The following CIC variants were observed in gnomAD, a reference collection of about 807,000 sequenced individuals.
CIC encodes capicua transcriptional repressor.
Under a neutral mutation model 115.7 loss-of-function variants are expected in CIC, and 18 were observed. The observed-to-expected ratio is 0.16, with a 90% CI of 0.11 to 0.23. CIC has a LOEUF of 0.23. Ranked by LOEUF, CIC falls within the 10% of genes least tolerant of loss-of-function variation. The probability of loss-of-function intolerance (pLI) is 1.00; values close to 1 mark genes in which losing one functional copy is unlikely to be tolerated. For missense variants in CIC, 2,000 were observed against 2,159.3 expected (o/e 0.93, Z 1.46); for synonymous variants, 1,076 against 923.0 (o/e 1.17, Z -3.01).
In CIC at chr19:42,290,877, C is replaced by T. The variant is rs370962921; in HGVS notation, c.4836C>T (p.Asp1612=). 1.9e-6 allele frequency: 3 copies of T among 1,613,108 alleles called. No homozygotes were observed. Among genetic ancestry groups the T allele is most frequent in the Non-Finnish European group, 2.5e-6 (3 of 1,179,862 alleles). Reference sequence around the variant, plus strand: ...GCCGGGCTGAGGCGTCTCCAAATGACACAGCAGGTGCCAGGACTGAAATGG... The same window carrying T: ...GCCGGGCTGAGGCGTCTCCAAATGATACAGCAGGTGCCAGGACTGAAATGG... ...TSGRAEASPN[D]TAGARTEMGT... is the part of the protein sequence containing the mutation. Residue 1612 remains aspartate (D), a synonymous_variant, in exon 11 of 21, where the codon GAC becomes GAT. Transcript: ENST00000681038.
chr19:42,292,383 C>G lies in CIC; in HGVS notation c.5819C>G (p.Ser1940Trp), dbSNP rs539384322. 4.3e-6 allele frequency: 7 copies of G among 1,612,796 alleles called. No individual in the cohort carries two copies. The highest frequency in any genetic ancestry group is 5.9e-6 in the Non-Finnish European group (7 of 1,179,820). ...PASSQAGTVTSYGPTSSVALG... is the reference protein window; with the variant it reads ...PASSQAGTVTWYGPTSSVALG... Reference sequence around the variant, plus strand: ...TCCAGCCAGGCTGGAACAGTCACCTCGTACGGGCCCACGAGCTCTGTAGCT... The same window carrying G: ...TCCAGCCAGGCTGGAACAGTCACCTGGTACGGGCCCACGAGCTCTGTAGCT... The change falls in exon 14 of 21, where the codon TCG (serine) becomes TGG (tryptophan). Residue 1940 changes from serine to tryptophan, a missense_variant. Physicochemically the swap from Ser to Trp is radical, Grantham distance 177 (BLOSUM62 -3). Transcript: ENST00000681038.
At chr19:42,289,791 C>G (rs980275401) in intron 9 of CIC, 57 bp from the exon 10 acceptor site, 1 of 1,406,274 alleles carries the variant, frequency 7.1e-7, no homozygotes, top group Non-Finnish European at 9.9e-7. Context: ...CAGACTGTTT[C>G]TCCTGGGTCC....
chr19:42,271,317 T>C (rs2036782648), intron 1 of CIC, among the ~76,000 whole-genome samples: 1 of 152,224 alleles, frequency 6.6e-6, no homozygotes, highest in South Asian at 2.1e-4. Context: ...CTGGATGATC[T>C]TGGACAAGTT....
rs1415191082 is a variant in CIC at position 42,272,681 on chromosome 19, C to T, written c.898C>T (p.Leu300Phe). ...CAAGCCAGCTGCCTACAAGGTCCGT[C>T]TCAGCCCTGGCCCCAGCTCCCAGCC... Reference protein sequence around the residue: ...ATKPAAYKVRLSPGPSSQPGL... With the variant: ...ATKPAAYKVRFSPGPSSQPGL... Residue 300 changes from leucine (L) to phenylalanine (F), a missense_variant, in exon 2 of 21, where the codon CTC (leucine) becomes TTC (phenylalanine). Leu to Phe is a conservative substitution (Grantham distance 22, BLOSUM62 0). Around this residue, in one of 8 missense-constraint regions of CIC, gnomAD observed 222 missense variants for 247.7 expected, o/e 0.90. Coordinates refer to ENST00000681038, the MANE Select transcript of CIC (RefSeq NM_001386298.1). 2 of 399,050 alleles carry T rather than the reference C, an allele frequency of 5.0e-6. No individual in the cohort carries two copies. The highest frequency in any genetic ancestry group is 4.1e-5 in the African/African-American group (2 of 48,608). 24.7% of individuals were successfully genotyped at this position (399,050 alleles called of 1,614,324 possible).
intron 12 of CIC, 132 bp downstream of exon 12, chr19:42,291,877 C>T: frequency 1.5e-6 from 2 of 1,311,134 alleles, no homozygotes; most frequent in Non-Finnish European, 2.2e-6. Context: ...CGTGATGTCT[C>T]TGTGCATCCT....
chr19:42,288,085 C>A (rs2037785110), intron 7 of CIC, 110 bp downstream of exon 7: 6 of 1,322,794 alleles, frequency 4.5e-6, no homozygotes, highest in Middle Eastern at 2.4e-4. Context: ...TGCTCTATCG[C>A]TTTAATTTGG....
chr19:42,295,194 G>C lies in CIC; in HGVS notation c.*3G>C. 6.5e-7 allele frequency: 1 copy of C among 1,532,610 alleles called. No individual in the cohort carries two copies. Among genetic ancestry groups the C allele is most frequent in the Non-Finnish European group, 8.7e-7 (1 of 1,144,846 alleles). The allele number at this position is 1,532,610 out of a possible 1,614,324, so 94.9% of individuals were successfully genotyped here. On this transcript the variant is annotated 3_prime_UTR_variant, in exon 21 of 21. Transcript: ENST00000681038. Reference sequence around the variant, plus strand: ...CCACAGCTGCCACAGGCAGGTGAGGGACCCCTGAGAAGATGCCAGGACTTA... The same window carrying C: ...CCACAGCTGCCACAGGCAGGTGAGGCACCCCTGAGAAGATGCCAGGACTTA...
In CIC at chr19:42,293,959, C is replaced by T. The variant is rs181588481; in HGVS notation, c.6792C>T (p.Phe2264=). The change falls in exon 18 of 21, where the codon TTC becomes TTT. Residue 2264 remains phenylalanine, a synonymous_variant. Coordinates refer to ENST00000681038, the MANE Select transcript of CIC (RefSeq NM_001386298.1). Reference sequence around the variant, plus strand: ...GCAGGGTCCTGTCAGAAGTGGACTTCGAAGAGCGCTTTGCTGAGTTGCCTG... The same window carrying T: ...GCAGGGTCCTGTCAGAAGTGGACTTTGAAGAGCGCTTTGCTGAGTTGCCTG... The part of the protein sequence containing the change: ...VDNRVLSEVD[F]EERFAELPEF... 2.2e-4 allele frequency: 356 copies of T among 1,613,406 alleles called. 2 individuals are homozygous for T. The East Asian group carries it at 5.8e-3, about 26-fold the overall frequency.
chr19:42,290,455 G>A lies in CIC; in HGVS notation c.4414G>A (p.Gly1472Ser), dbSNP rs758188990. ...GSGTFKAQES[G>S]QGSTAGPLRP... Reference sequence around the variant, plus strand: ...AGGAACCTTCAAGGCCCAGGAGTCTGGTCAGGGCAGCACAGCGGGCCCCCT... The same window carrying A: ...AGGAACCTTCAAGGCCCAGGAGTCTAGTCAGGGCAGCACAGCGGGCCCCCT... Residue 1472 changes from glycine (G) to serine (S), a missense_variant, in exon 11 of 21, where the codon GGT (glycine) becomes AGT (serine). By Grantham distance (56) the Gly-to-Ser change is moderately conservative (BLOSUM62 0). Around this residue, in one of 8 missense-constraint regions of CIC, gnomAD observed 1,466 missense variants for 1,390.4 expected, o/e 1.05. Transcript: ENST00000681038. 5 of 1,614,070 alleles carry A rather than the reference G, an allele frequency of 3.1e-6. No homozygotes were observed. Among genetic ancestry groups the A allele is most frequent in the Non-Finnish European group, 4.2e-6 (5 of 1,179,978 alleles).
chr19:42,277,067 T>TC (rs1328777900), intron 2 of CIC, among the ~76,000 whole-genome samples: 6 of 152,162 alleles, frequency 3.9e-5, no homozygotes, highest in Non-Finnish European at 7.4e-5. Context: ...GCAGCACTGG[T>TC]GATGCACGTG....
rs2037704488 is a variant in CIC at position 42,287,067 on chromosome 19, C to T, written c.3006C>T (p.Asp1002=). 6.2e-7 allele frequency: 1 copy of T among 1,612,842 alleles called. No individual in the cohort carries two copies. Among genetic ancestry groups the T allele is most frequent in the African/African-American group, 1.3e-5 (1 of 75,020 alleles). Residue 1002 remains aspartate, a synonymous_variant, in exon 4 of 21, where the codon GAC becomes GAT. Coordinates refer to ENST00000681038, the MANE Select transcript of CIC (RefSeq NM_001386298.1). This position sits in a 1 kb window ranked among gnomAD's most constrained non-coding sequence, Gnocchi z 8.7. ...CACCAGGTGGGACAGGGAGTGCTGA[C>T]CCTGAGCGGCCCCCTGGAGCCACAT... ...ERPPGGTGSA[D]PERPPGATCP...
In CIC at chr19:42,293,221, C is replaced by G; in HGVS notation, c.6462C>G (p.Ser2154Arg). The G allele has an allele frequency of 6.3e-7, 1 of 1,596,200 alleles. No homozygotes were observed. Among genetic ancestry groups the G allele is most frequent in the Non-Finnish European group, 8.5e-7 (1 of 1,172,674 alleles). ...LPETWTPTAR[S>R]SPPLPPPAEE... is the part of the protein sequence containing the mutation. ...AGACCTGGACTCCCACGGCCCGGAG[C>G]AGCCCCCCACTGCCCCCACCTGCTG... Residue 2154 changes from serine to arginine, a missense_variant, in exon 16 of 21, where the codon AGC (serine) becomes AGG (arginine). Ser to Arg is a moderately radical substitution (Grantham distance 110). This residue lies in a region of CIC where 1,466 missense variants were observed against 1,390.4 expected (regional missense o/e 1.05). Coordinates refer to ENST00000681038, the MANE Select transcript of CIC (RefSeq NM_001386298.1).
In CIC at chr19:42,292,420, C is replaced by T. The variant is rs745652096; in HGVS notation, c.5856C>T (p.Thr1952=). The part of the protein sequence containing the change: ...GPTSSVALGF[T]SLGPSGPAFV... ...CGAGCTCTGTAGCTCTAGGCTTCACCTCGCTGGGGCCCAGCGGCCCCGCCT... is the reference window on the plus strand; with the variant it reads ...CGAGCTCTGTAGCTCTAGGCTTCACTTCGCTGGGGCCCAGCGGCCCCGCCT... Residue 1952 remains threonine (T), a synonymous_variant, in exon 14 of 21, where the codon ACC becomes ACT. Transcript: ENST00000681038. 8 of 1,611,228 alleles carry T rather than the reference C, an allele frequency of 5.0e-6. No homozygotes were observed. The highest frequency in any genetic ancestry group is 6.8e-6 in the Non-Finnish European group (8 of 1,178,816).
Position 42,289,357 on chromosome 19 carries a change from TGAG to T in CIC, c.4042_4044del (p.Glu1348del). 1.2e-6 allele frequency: 2 copies of T among 1,612,826 alleles called. No individual in the cohort carries two copies. The highest frequency in any genetic ancestry group is 1.7e-6 in the Non-Finnish European group (2 of 1,179,366). On this transcript the variant is annotated inframe_deletion, in exon 9 of 21. Coordinates refer to ENST00000681038, the MANE Select transcript of CIC (RefSeq NM_001386298.1). ...CGGCCAGTGAGGACATGACGAGTGA[TGAG>T]GAGCGCATGGTCATCTGTGAGGAGG... is the stretch of plus-strand genomic sequence containing the variant.
At chr19:42,282,772 C>T (rs1568495222) in intron 2 of CIC, among the ~76,000 whole-genome samples, 1 of 152,212 alleles carries the variant, frequency 6.6e-6, no homozygotes, top group African/African-American at 2.4e-5. Context: ...AGCATACCTC[C>T]CTAGGTGGCT....
Position 42,274,057 on chromosome 19 carries a change from C to G in CIC, c.2274C>G (p.Pro758=), listed in dbSNP as rs2036877744. ...ACTCAGTGTCCCACACACCTACACC[C>G]TCCACGCCGGCTGGCTTCCGGGCCG... ...GVDSVSHTPT[P]STPAGFRAVS... is the part of the protein sequence containing the mutation. Residue 758 remains proline, a synonymous_variant, in exon 2 of 21, where the codon CCC becomes CCG. Coordinates refer to ENST00000681038, the MANE Select transcript of CIC (RefSeq NM_001386298.1). The G allele has an allele frequency of 7.5e-6, 3 of 399,146 alleles. No individual in the cohort carries two copies. In the Admixed American group the frequency reaches 1.3e-4, roughly 18 times the overall value. 24.7% of individuals were successfully genotyped at this position (399,146 alleles called of 1,614,324 possible).
At chr19:42,278,595 C>T (rs1463925791) in intron 2 of CIC, among the ~76,000 whole-genome samples, 1 of 152,178 alleles carries the variant, frequency 6.6e-6, no homozygotes, top group Non-Finnish European at 1.5e-5. Flanking sequence ...CATCCTGTGT[C>T]TCTGAGCCAG....
chr19:42,293,362 CTT>C, intron 16 of CIC, 81 bp downstream of exon 16: 2 of 1,445,084 alleles, frequency 1.4e-6, no homozygotes, highest in Non-Finnish European at 1.9e-6. Context: ...CTGTCCTACT[CTT>C]CTTTCCATGC....
Position 42,272,903 on chromosome 19 carries a change from C to G in CIC, c.1120C>G (p.Leu374Val). 2.5e-6 allele frequency: 1 copy of G among 399,390 alleles called. No homozygotes were observed. Among genetic ancestry groups the G allele is most frequent in the African/African-American group, 2.1e-5 (1 of 48,772 alleles). 24.7% of individuals were successfully genotyped at this position (399,390 alleles called of 1,614,324 possible). A position where few individuals can be genotyped will look rare whatever the true frequency, so the allele number is the denominator to read the frequency against. Residue 374 changes from leucine (L) to valine (V), a missense_variant, in exon 2 of 21, where the codon CTG becomes GTG. Around this residue, in one of 8 missense-constraint regions of CIC, gnomAD observed 222 missense variants for 247.7 expected, o/e 0.90. Transcript: ENST00000681038. ...CACCCTGCCACCCTGCCCTGCTGCCCTGGACCCCAAACAGCCCGAGGATGC... is the reference window on the plus strand; with the variant it reads ...CACCCTGCCACCCTGCCCTGCTGCCGTGGACCCCAAACAGCCCGAGGATGC... ...GATLPPCPAA[L>V]DPKQPEDAEV...
Sources: allele counts gnomAD v4.1 joint callset (sites outside exome capture counted in the v4.1 genomes callset), GRCh38; gene constraint gnomAD v4.1.1; regional missense constraint gnomAD v4.1.1; non-coding constraint Gnocchi (gnomAD v3.1); transcripts MANE v1.5; gene names NCBI Gene and HGNC (gene_info 2026-07-23, HGNC 2026-07-21).